Variants in ATG4C observed in about 807,000 individuals in gnomAD.
ATG4C encodes autophagy related 4C cysteine peptidase, also known as cysteine protease ATG4C.
ATG4C carries 56 observed loss-of-function variants against 57.6 expected under a neutral mutation model. That is an observed-to-expected ratio of 0.97 (90% CI 0.78 to 1.21). The LOEUF (loss-of-function observed/expected upper bound fraction) is 1.21, where lower values mean the gene tolerates loss of function less well. ATG4C is among the 50% of genes most tolerant of loss of function. The pLI is 0.00. For missense variants in ATG4C, 595 were observed against 529.8 expected (o/e 1.12, Z -1.21); for synonymous variants, 157 against 174.1 (o/e 0.90, Z 0.78).
At chr1:62,836,761 C>T (rs2100340188) in intron 9 of ATG4C, among the ~76,000 whole-genome samples, 1 of 152,044 alleles carries the variant, frequency 6.6e-6, no homozygotes, top group East Asian at 1.9e-4. Context: ...CTTTTTGGGT[C>T]AGTATTTTTT....
chr1:62,824,583 T>C (rs565296018), intron 6 of ATG4C, among the ~76,000 whole-genome samples: 4 of 151,940 alleles, frequency 2.6e-5, no homozygotes, highest in Non-Finnish European at 5.9e-5. Context: ...TTCTACCAGA[T>C]CCTCCTATTT....
At chr1:62,820,863 G>A (rs531558144) in intron 5 of ATG4C, among the ~76,000 whole-genome samples, 41 of 152,048 alleles carry the variant, frequency 2.7e-4, no homozygotes, top group Middle Eastern at 3.4e-3. Context: ...CCTTCTTTTT[G>A]GAGGGAGGGG....
chr1:62,788,881 C>CT (rs1462342682), intron 1 of ATG4C, among the ~76,000 whole-genome samples: 2 of 147,570 alleles, frequency 1.4e-5, no homozygotes, highest in African/African-American at 2.5e-5. Flanking sequence ...TTTCTTTTTT[C>CT]TTTTTTTTAC....
At chr1:62,852,857 T>C (rs1666560989) in intron 10 of ATG4C, among the ~76,000 whole-genome samples, 1 of 152,114 alleles carries the variant, frequency 6.6e-6, no homozygotes, top group Non-Finnish European at 1.5e-5. Flanking sequence ...GATTTGCTCA[T>C]TTCTGTTTTC....
chr1:62,859,454 A>G (rs1343929610), intron 10 of ATG4C, among the ~76,000 whole-genome samples: 1 of 152,194 alleles, frequency 6.6e-6, no homozygotes, highest in African/African-American at 2.4e-5. Context: ...CATAGAAAAG[A>G]TATTATAAAA....
chr1:62,841,198 AT>A (rs1666155639), intron 9 of ATG4C, among the ~76,000 whole-genome samples: 1 of 152,174 alleles, frequency 6.6e-6, no homozygotes, highest in African/African-American at 2.4e-5. Context: ...AATGGCACTA[AT>A]ATCACAAAAG....
At chr1:62,809,213 A>G (rs1443934021) in intron 3 of ATG4C, among the ~76,000 whole-genome samples, 1 of 152,096 alleles carries the variant, frequency 6.6e-6, no homozygotes, top group Admixed American at 6.6e-5. Flanking sequence ...GGCTAGGATT[A>G]CAAGCTTGAG....
At chr1:62,799,008 C>T (rs994121446) in intron 1 of ATG4C, among the ~76,000 whole-genome samples, 3 of 152,102 alleles carry the variant, frequency 2.0e-5, no homozygotes, top group East Asian at 1.9e-4. Flanking sequence ...GCACAATCAT[C>T]GCTTACTGCA....
intron 1 of ATG4C, among the ~76,000 whole-genome samples, chr1:62,797,621 T>C (rs544554657): frequency 2.0e-5 from 3 of 152,280 alleles, no homozygotes; most frequent in Admixed American, 6.5e-5. Context: ...TTTTTCCTTA[T>C]TGATTTATAA....
At chr1:62,785,591 T>C (rs1449242239) in intron 1 of ATG4C, among the ~76,000 whole-genome samples, 1 of 152,182 alleles carries the variant, frequency 6.6e-6, no homozygotes, top group Admixed American at 6.5e-5. Context: ...TAATGTTTTA[T>C]AAAAAGGCAG....
At chr1:62,837,429 G>A (rs1041537681) in intron 9 of ATG4C, among the ~76,000 whole-genome samples, 3 of 152,146 alleles carry the variant, frequency 2.0e-5, no homozygotes, top group African/African-American at 7.2e-5. Context: ...AGAAAATGAG[G>A]TTCAGAGGAG....
chr1:62,803,176 C>T (rs754989662), intron 1 of ATG4C, among the ~76,000 whole-genome samples: 2 of 152,066 alleles, frequency 1.3e-5, no homozygotes, highest in Non-Finnish European at 2.9e-5. Flanking sequence ...TGTTTAAGTG[C>T]TGCAGTATGG....
intron 1 of ATG4C, among the ~76,000 whole-genome samples, 157 bp from the exon 2 acceptor site, chr1:62,803,562 G>T (rs1664754340): frequency 6.6e-6 from 1 of 151,364 alleles, no homozygotes; most frequent in Admixed American, 6.6e-5. Flanking sequence ...TGTAAAATGA[G>T]AAATTGGTTT....
intron 9 of ATG4C, chr1:62,835,540 A>G (rs938381258): frequency 5.5e-6 from 1 of 182,712 alleles, no homozygotes; most frequent in African/African-American, 2.4e-5. Context: ...CTTGAGTGTC[A>G]TGGATCACTA....
intron 3 of ATG4C, among the ~76,000 whole-genome samples, chr1:62,808,276 A>C (rs971442013): frequency 1.3e-5 from 2 of 152,198 alleles, no homozygotes; most frequent in African/African-American, 4.8e-5. Context: ...CTTCAGAGAC[A>C]GAGAGGAAAC....
At chr1:62,823,732 C>T (rs746984402) in intron 6 of ATG4C, among the ~76,000 whole-genome samples, 1 of 152,174 alleles carries the variant, frequency 6.6e-6, no homozygotes, top group Non-Finnish European at 1.5e-5. Context: ...ATTTTCCGCC[C>T]TCAGGCCATT....
rs1227289226 is a variant in ATG4C at position 62,835,020 on chromosome 1, CT to C, written c.1089+171del. ...TAACACAGTGGTCAAAGGTTAAGTA[CT>C]TTGTTGCTGAATTTTAATTTATGAT... On this transcript the variant is annotated intron_variant, in intron 9 of 10. Coordinates refer to ENST00000317868, the MANE Select transcript of ATG4C (RefSeq NM_032852.4). 4.0e-5 allele frequency among the ~76,000 whole-genome samples: 6 copies of C among 151,848 alleles called. No individual in the cohort carries two copies. In the East Asian group the frequency reaches 1.2e-3, roughly 29 times the overall value.
chr1:62,810,062 A>C (rs982810541), intron 3 of ATG4C, among the ~76,000 whole-genome samples: 2 of 152,176 alleles, frequency 1.3e-5, no homozygotes, highest in African/African-American at 4.8e-5. Flanking sequence ...TAAGACGCTT[A>C]AGTATTTACA....
intron 9 of ATG4C, among the ~76,000 whole-genome samples, chr1:62,835,206 TAGAA>T (rs1435097435): frequency 6.9e-6 from 1 of 145,954 alleles, no homozygotes; most frequent in East Asian, 2.0e-4. Context: ...AAAAGAAAAA[TAGAA>T]AGGGATAGAC....
Sources: gnomAD v4.1 joint callset for allele counts (sites outside exome capture counted in the v4.1 genomes callset) on GRCh38, gnomAD v4.1.1 for gene constraint, MANE v1.5 for transcripts, NCBI Gene and HGNC (gene_info 2026-07-23, HGNC 2026-07-21) for gene names.